Variants in KIRREL3 observed in about 807,000 individuals in gnomAD.
The protein encoded by KIRREL3 is kirre like nephrin family adhesion molecule 3.
KIRREL3 carries 36 observed loss-of-function variants against 89.7 expected under a neutral mutation model. The ratio of observed to expected loss-of-function variants is 0.40; its 90% CI spans 0.31 to 0.53. The LOEUF is 0.53. KIRREL3 is among the 20% of genes least tolerant of loss of function. The pLI, the probability that KIRREL3 is intolerant of heterozygous loss-of-function variation, is 0.49. For synonymous variants in KIRREL3, 445 were observed against 441.4 expected, an observed-to-expected ratio of 1.01 and a Z score of -0.10; for missense variants, 864 against 1,056.6, an observed-to-expected ratio of 0.82 and a Z score of 2.53.
At chr11:126,899,047 A>G (rs746922703) in intron 1 of KIRREL3, among the ~76,000 whole-genome samples, 30 of 151,736 alleles carry the variant, frequency 2.0e-4, no homozygotes, top group Non-Finnish European at 3.5e-4. Context: ...CCCTTTGACT[A>G]TAGGTAATAA....
chr11:126,922,156 TA>T, intron 1 of KIRREL3, among the ~76,000 whole-genome samples: 1 of 152,030 alleles, frequency 6.6e-6, no homozygotes, highest in East Asian at 1.9e-4. Flanking sequence ...TCTATCTATC[TA>T]TCTATCTATC....
chr11:126,571,549 C>G lies in KIRREL3; in HGVS notation c.56-8637G>C, dbSNP rs1440483296. On this transcript the variant is annotated intron_variant, in intron 1 of 16. Coordinates refer to ENST00000525144, the MANE Select transcript of KIRREL3 (RefSeq NM_032531.4). This position sits in a 1 kb window ranked among gnomAD's most constrained non-coding sequence, Gnocchi z 7.7. ...TGCTTATGCTTCATTAGTCTCTGGG[C>G]TGAGCACTTTGCATGCCTTACCTTC... Among the ~76,000 whole-genome samples, 1 of 152,232 alleles carries G rather than the reference C, an allele frequency of 6.6e-6. No homozygotes were observed. The highest frequency in any genetic ancestry group is 2.4e-5 in the African/African-American group (1 of 41,462).
intron 1 of KIRREL3, among the ~76,000 whole-genome samples, chr11:126,603,510 G>A (rs1165268651): frequency 2.0e-5 from 3 of 152,200 alleles, no homozygotes; most frequent in Non-Finnish European, 1.5e-5. Context: ...GGGAGAGGGG[G>A]CACACAGAAA....
chr11:126,511,423 A>G lies in KIRREL3; in HGVS notation c.433+9892T>C, dbSNP rs1056469306. On this transcript the variant is annotated intron_variant, in intron 4 of 16. Coordinates refer to ENST00000525144, the MANE Select transcript of KIRREL3 (RefSeq NM_032531.4). The stretch of plus-strand genomic sequence containing the variant: ...CCAAACACCTCTCTCCACTGGACCT[A>G]CAACACAGGTCCCCTCACAGCAGCA... Among the ~76,000 whole-genome samples, 10 of 152,246 alleles carry G rather than the reference A, an allele frequency of 6.6e-5. No individual in the cohort carries two copies. In the East Asian group the frequency reaches 9.7e-4, roughly 15 times the overall value.
Position 126,521,557 on chromosome 11 carries a change from C to T in KIRREL3, c.284-93G>A. 9.5e-7 allele frequency: 1 copy of T among 1,047,328 alleles called. No homozygotes were observed. 64.9% of individuals were successfully genotyped at this position (1,047,328 alleles called of 1,614,324 possible). On this transcript the variant is annotated intron_variant, in intron 3 of 16. Transcript: ENST00000525144. The surrounding 1 kb of genome is among the most constrained non-coding windows in gnomAD (Gnocchi z 4.1). ...CAGAATGGAGGACCCAAGCAGGGGC[C>T]ATTCTACAAGGCTGGCAGAGCGGGT...
At chr11:126,448,589 T>C (rs929013458) in intron 8 of KIRREL3, among the ~76,000 whole-genome samples, 8 of 152,176 alleles carry the variant, frequency 5.3e-5, no homozygotes, top group African/African-American at 1.9e-4. Flanking sequence ...GGTTAGATCA[T>C]GAGAGTGGAG....
At chr11:126,962,269 C>T (rs1949114071) in intron 1 of KIRREL3, among the ~76,000 whole-genome samples, 1 of 152,134 alleles carries the variant, frequency 6.6e-6, no homozygotes, top group Non-Finnish European at 1.5e-5. Context: ...AAGGATTCAT[C>T]ATTCTAGATG....
In KIRREL3 at chr11:126,805,481, C is replaced by A. The variant is rs1951175209; in HGVS notation, c.55+194974G>T. Among the ~76,000 whole-genome samples the A allele has an allele frequency of 6.6e-6, 1 of 152,138 alleles. No individual in the cohort carries two copies. The highest frequency in any genetic ancestry group is 2.1e-4 in the South Asian group (1 of 4,824). On this transcript the variant is annotated intron_variant, in intron 1 of 16. Coordinates refer to ENST00000525144, the MANE Select transcript of KIRREL3 (RefSeq NM_032531.4). The surrounding 1 kb of genome is among the most constrained non-coding windows in gnomAD (Gnocchi z 4.3). Reference sequence around the variant, plus strand: ...CATCTCATCTGGTTTTGTTCTGAACCCCAAGGTTCAGTCAGGTGCGCTGTC... The same window carrying A: ...CATCTCATCTGGTTTTGTTCTGAACACCAAGGTTCAGTCAGGTGCGCTGTC...
intron 4 of KIRREL3, among the ~76,000 whole-genome samples, chr11:126,478,330 C>G (rs1442962159): frequency 6.6e-6 from 1 of 152,212 alleles, no homozygotes; most frequent in Non-Finnish European, 1.5e-5. Context: ...GAAAGGACAA[C>G]AAAGACCTTA....
At chr11:126,546,931 C>A (rs932528570) in intron 2 of KIRREL3, among the ~76,000 whole-genome samples, 1 of 152,198 alleles carries the variant, frequency 6.6e-6, no homozygotes, top group Admixed American at 6.5e-5. Context: ...AAGTCATATA[C>A]TGAGACAGGA....
chr11:126,790,826 G>A (rs1950617295), intron 1 of KIRREL3, among the ~76,000 whole-genome samples: 1 of 152,134 alleles, frequency 6.6e-6, no homozygotes, highest in African/African-American at 2.4e-5. Context: ...CCCCATCTCT[G>A]TCCTGCATCT....
In KIRREL3 at chr11:126,440,566, T is replaced by C; in HGVS notation, c.1253-17A>G. On this transcript the variant is annotated splice_polypyrimidine_tract_variant and intron_variant, in intron 10 of 16. Transcript: ENST00000525144. The stretch of plus-strand genomic sequence containing the variant: ...TGGGGGGTCCTGTTGAGAAACAGCG[T>C]CCCATTAGGCACCCGGGAAGGGCAC... 6.3e-7 allele frequency: 1 copy of C among 1,579,644 alleles called. No homozygotes were observed. Among genetic ancestry groups the C allele is most frequent in the Non-Finnish European group, 8.6e-7 (1 of 1,162,444 alleles).
At chr11:126,937,778 A>G (rs1948265286) in intron 1 of KIRREL3, among the ~76,000 whole-genome samples, 1 of 152,242 alleles carries the variant, frequency 6.6e-6, no homozygotes, top group Non-Finnish European at 1.5e-5. Context: ...AGGTGCCTGT[A>G]GTCCCAGCTG....
intron 10 of KIRREL3, among the ~76,000 whole-genome samples, chr11:126,442,540 G>A (rs1439296830): frequency 6.6e-6 from 1 of 152,224 alleles, no homozygotes; most frequent in Non-Finnish European, 1.5e-5. Flanking sequence ...CAAATCGGTT[G>A]AGGTGTGTGC....
At position 126,807,450 on chromosome 11, in the gene KIRREL3, A is replaced by G. The variant is rs1951238737; in HGVS notation, c.55+193005T>C. Among the ~76,000 whole-genome samples, 1 of 152,224 alleles carries G rather than the reference A, an allele frequency of 6.6e-6. No individual in the cohort carries two copies. The highest frequency in any genetic ancestry group is 1.5e-5 in the Non-Finnish European group (1 of 68,034). ...TTGAGACCTCATTAGCTATGTGTTT[A>G]ACCATTCATGTCTAACTATTCAAAT... is the stretch of plus-strand genomic sequence containing the variant. On this transcript the variant is annotated intron_variant, in intron 1 of 16. Coordinates refer to ENST00000525144, the MANE Select transcript of KIRREL3 (RefSeq NM_032531.4). The surrounding 1 kb of genome is among the most constrained non-coding windows in gnomAD (Gnocchi z 4.3).
At chr11:126,681,738 A>T (rs1565645935) in intron 1 of KIRREL3, 1 of 357,230 alleles carries the variant, frequency 2.8e-6, no homozygotes, top group Non-Finnish European at 5.6e-6. Context: ...TGTTTAATTG[A>T]ATTTCTCTTA....
At chr11:126,818,731 G>A (rs1369655316) in intron 1 of KIRREL3, among the ~76,000 whole-genome samples, 3 of 151,936 alleles carry the variant, frequency 2.0e-5, no homozygotes, top group Non-Finnish European at 2.9e-5. Flanking sequence ...TTGATTGACA[G>A]ATATTCTCCT....
In KIRREL3 at chr11:126,922,113, ATCTG is replaced by A. The variant is rs1555089441; in HGVS notation, c.55+78338_55+78341del. ...TCTATATCTATCTATCGATCTATCT[ATCTG>A]TCTGTCTATCTATCTATCTATCTAT... is the stretch of plus-strand genomic sequence containing the variant. On this transcript the variant is annotated intron_variant, in intron 1 of 16. Transcript: ENST00000525144. 4.4e-3 allele frequency among the ~76,000 whole-genome samples: 627 copies of A among 141,602 alleles called. 2 individuals carry two copies. Among genetic ancestry groups the A allele is most frequent in the African/African-American group, 9.3e-3 (356 of 38,312 alleles). The allele number at this position is 141,602 out of a possible 152,430, so 92.9% of individuals were successfully genotyped here. A position where few individuals can be genotyped will look rare whatever the true frequency, so the allele number is the denominator to read the frequency against.
intron 7 of KIRREL3, among the ~76,000 whole-genome samples, chr11:126,453,217 C>T (rs941679969): frequency 5.3e-5 from 8 of 152,120 alleles, no homozygotes; most frequent in Non-Finnish European, 8.8e-5. Flanking sequence ...GTGTCACAGC[C>T]GCCAGGTTGT....
Sources: allele counts gnomAD v4.1 joint callset (sites outside exome capture counted in the v4.1 genomes callset), GRCh38; gene constraint gnomAD v4.1.1; non-coding constraint Gnocchi (gnomAD v3.1); transcripts MANE v1.5; gene names NCBI Gene and HGNC (gene_info 2026-07-23, HGNC 2026-07-21).